Variants in IGLON5 observed in about 807,000 individuals in gnomAD.
IGLON5 encodes the protein IgLON family member 5.
IGLON5 carries 16 observed loss-of-function variants against 38.2 expected under a neutral mutation model. The ratio of observed to expected loss-of-function variants is 0.42; its 90% CI spans 0.28 to 0.64. The LOEUF (loss-of-function observed/expected upper bound fraction) is 0.64. IGLON5 is among the 30% of genes least tolerant of loss of function. The pLI, the probability that IGLON5 is intolerant of heterozygous loss-of-function variation, is 0.23. For synonymous variants in IGLON5, 207 were observed against 216.4 expected, an observed-to-expected ratio of 0.96 and a Z score of 0.38; for missense variants, 366 against 483.4, an observed-to-expected ratio of 0.76 and a Z score of 2.28.
chr19:51,329,124 G>A lies in IGLON5; in HGVS notation c.*365G>A. Reference sequence around the variant, plus strand: ...TGTGTAGGTGTCTGTGTCTCTGTTTGTGTGTGTGTGGGGGGGTGGGCTGGG... The same window carrying A: ...TGTGTAGGTGTCTGTGTCTCTGTTTATGTGTGTGTGGGGGGGTGGGCTGGG... On this transcript the variant is annotated 3_prime_UTR_variant, in exon 8 of 8. Transcript: ENST00000270642. This position sits in a 1 kb window ranked among gnomAD's most constrained non-coding sequence, Gnocchi z 4.3. The A allele has an allele frequency of 6.8e-6, 1 of 146,332 alleles. No individual in the cohort carries two copies. 9.1% of individuals were successfully genotyped at this position (146,332 alleles called of 1,614,324 possible).
intron 1 of IGLON5, among the ~76,000 whole-genome samples, chr19:51,320,212 T>C (rs1985019388): frequency 6.6e-6 from 1 of 152,086 alleles, no homozygotes; most frequent in Non-Finnish European, 1.5e-5. Flanking sequence ...GGGCCCAGGG[T>C]GAGGGGCTGC....
At chr19:51,318,290 GGGACACAGACTT>G (rs1366345989) in intron 1 of IGLON5, among the ~76,000 whole-genome samples, 3 of 152,274 alleles carry the variant, frequency 2.0e-5, no homozygotes, top group Non-Finnish European at 4.4e-5. Context: ...GGAGATGCTG[GGGACACAGACTT>G]GAGTCAGAAC....
At chr19:51,315,688 C>CTTTTT (rs756194855) in intron 1 of IGLON5, among the ~76,000 whole-genome samples, 32 of 82,586 alleles carry the variant, frequency 3.9e-4, no homozygotes, top group African/African-American at 1.3e-3. Context: ...GGAAGTCAAC[C>CTTTTT]TTTTTTTTTT....
At position 51,323,767 on chromosome 19, in the gene IGLON5, C is replaced by G; in HGVS notation, c.264C>G (p.Leu88=). The G allele has an allele frequency of 6.2e-7, 1 of 1,613,926 alleles. No homozygotes were observed. The highest frequency in any genetic ancestry group is 8.5e-7 in the Non-Finnish European group (1 of 1,179,890). Residue 88 remains leucine (L), a synonymous_variant, in exon 3 of 8, where the codon CTC becomes CTG. Coordinates refer to ENST00000270642, the MANE Select transcript of IGLON5 (RefSeq NM_001101372.3). ...RWTSDPRVRL[L]INTPEEFSIL... ...CCAGCGACCCGCGGGTGCGGCTGCT[C>G]ATCAACACCCCCGAGGAGTTCTCCA...
intron 1 of IGLON5, among the ~76,000 whole-genome samples, chr19:51,315,436 T>C (rs1984894108): frequency 6.6e-6 from 1 of 152,180 alleles, no homozygotes; most frequent in African/African-American, 2.4e-5. Flanking sequence ...TTCTAGACAC[T>C]GGATATATAC....
intron 2 of IGLON5, 28 bp from the exon 3 acceptor site, chr19:51,323,634 A>G: frequency 6.3e-7 from 1 of 1,578,796 alleles, no homozygotes; most frequent in Non-Finnish European, 8.7e-7. Context: ...TGGGTGGAGA[A>G]AAACCTTCCC....
intron 1 of IGLON5, among the ~76,000 whole-genome samples, chr19:51,315,895 T>C (rs1263073905): frequency 6.6e-6 from 1 of 151,826 alleles, no homozygotes; most frequent in South Asian, 2.1e-4. Context: ...TGGGTTTCAC[T>C]GTGTTAGCCA....
In IGLON5 at chr19:51,325,913, T is replaced by C. The variant is rs1248433059; in HGVS notation, c.511+448T>C. On this transcript the variant is annotated intron_variant, in intron 4 of 7. Transcript: ENST00000270642. The surrounding 1 kb of genome is among the most constrained non-coding windows in gnomAD (Gnocchi z 5.5). ...GGGCCCCAGACCCGAAGCATCAGCATACCTTGGGAACTTGCCAGGAATGCA... is the reference window on the plus strand; with the variant it reads ...GGGCCCCAGACCCGAAGCATCAGCACACCTTGGGAACTTGCCAGGAATGCA... Among the ~76,000 whole-genome samples, 1 of 152,096 alleles carries C rather than the reference T, an allele frequency of 6.6e-6. No homozygotes were observed. The highest frequency in any genetic ancestry group is 2.4e-5 in the African/African-American group (1 of 41,410).
In IGLON5 at chr19:51,327,238, G is replaced by A. The variant is rs778123432; in HGVS notation, c.767+38G>A. 9 of 1,591,852 alleles carry A rather than the reference G, an allele frequency of 5.7e-6. No homozygotes were observed. The highest frequency in any genetic ancestry group is 1.7e-5 in the Admixed American group (1 of 59,110). ...CTGAGGGGGCCGTGGGAGCGGGAAG[G>A]GGAGGTCTTTAGTCCCTTCGATTGT... On this transcript the variant is annotated intron_variant, in intron 6 of 7. Transcript: ENST00000270642. This position sits in a 1 kb window ranked among gnomAD's most constrained non-coding sequence, Gnocchi z 7.1.
At chr19:51,313,265 T>G (rs146598583) in intron 1 of IGLON5, among the ~76,000 whole-genome samples, 325 of 152,328 alleles carry the variant, frequency 2.1e-3, no homozygotes, top group Non-Finnish European at 3.4e-3. Flanking sequence ...ACCACCTGTC[T>G]CTGTCTCTGT....
chr19:51,327,042 G>C lies in IGLON5; in HGVS notation c.647-38G>C. On this transcript the variant is annotated intron_variant, in intron 5 of 7. Transcript: ENST00000270642. This position sits in a 1 kb window ranked among gnomAD's most constrained non-coding sequence, Gnocchi z 7.1. ...GGGGGCGGGACCCCTTCGTCCCCAC[G>C]CGGCTAGGAGAATTCGCTGACCCTT... The C allele has an allele frequency of 6.3e-7, 1 of 1,598,402 alleles. No individual in the cohort carries two copies. The highest frequency in any genetic ancestry group is 8.5e-7 in the Non-Finnish European group (1 of 1,172,580).
At chr19:51,328,025 A>G in intron 7 of IGLON5, 139 bp downstream of exon 7, 1 of 912,378 alleles carries the variant, frequency 1.1e-6, no homozygotes, top group Non-Finnish European at 1.6e-6. Flanking sequence ...CAATGCGAGT[A>G]AGAAACCGAT....
chr19:51,312,914 G>C (rs1984802765), intron 1 of IGLON5, among the ~76,000 whole-genome samples: 1 of 151,626 alleles, frequency 6.6e-6, no homozygotes, highest in Admixed American at 6.5e-5. Flanking sequence ...GTGCAAGGAG[G>C]CAGGAGGCTG....
intron 4 of IGLON5, among the ~76,000 whole-genome samples, chr19:51,326,334 AC>A (rs1196800367): frequency 6.6e-6 from 1 of 152,130 alleles, no homozygotes; most frequent in African/African-American, 2.4e-5. Context: ...GATCCCAATC[AC>A]CAGATCCTGA....
chr19:51,326,731 G>A (rs1291987933), intron 4 of IGLON5, 33 bp from the exon 5 acceptor site: 1 of 1,513,666 alleles, frequency 6.6e-7, no homozygotes, highest in South Asian at 1.2e-5. Flanking sequence ...GTTTGTGTCC[G>A]GCCCCGCCCC....
At position 51,327,909 on chromosome 19, in the gene IGLON5, G is replaced by T; in HGVS notation, c.922+23G>T. On this transcript the variant is annotated intron_variant, in intron 7 of 7. Coordinates refer to ENST00000270642, the MANE Select transcript of IGLON5 (RefSeq NM_001101372.3). The surrounding 1 kb of genome is among the most constrained non-coding windows in gnomAD (Gnocchi z 7.1). ...TGCGTGCGTCTTCGGGCGGGGCGGG[G>T]CCGGGAAGGTGGGCGGGGCCGGGGG... 1 of 1,476,518 alleles carries T rather than the reference G, an allele frequency of 6.8e-7. No homozygotes were observed. Among genetic ancestry groups the T allele is most frequent in the Non-Finnish European group, 9.0e-7 (1 of 1,111,728 alleles). The allele number at this position is 1,476,518 out of a possible 1,614,324, so 91.5% of individuals were successfully genotyped here.
rs1255908005 is a variant in IGLON5, at chr19:51,313,639, CTCTCTCTTT to C, written c.79+1715_79+1723del. Among the ~76,000 whole-genome samples the C allele has an allele frequency of 9.8e-5, 12 of 121,972 alleles. 1 individual carries two copies. Among genetic ancestry groups the C allele is most frequent in the African/African-American group, 4.5e-4 (10 of 22,156 alleles). 80.0% of individuals were successfully genotyped at this position (121,972 alleles called of 152,430 possible). A position where few individuals can be genotyped will look rare whatever the true frequency, so the allele number is the denominator to read the frequency against. On this transcript the variant is annotated intron_variant, in intron 1 of 7. Coordinates refer to ENST00000270642, the MANE Select transcript of IGLON5 (RefSeq NM_001101372.3). ...TTTCCTTCTTTCTCTTTTTCTCTCT[CTCTCTCTTT>C]TTCTTTCTTTCTTTCTTTCTTTCTT...
rs1985308839 is a variant in IGLON5, at chr19:51,329,823, C to G, written c.*1064C>G. 7.4e-6 allele frequency: 1 copy of G among 134,368 alleles called. No individual in the cohort carries two copies. The highest frequency in any genetic ancestry group is 2.0e-4 in the East Asian group (1 of 5,126). The allele number at this position is 134,368 out of a possible 1,614,324, so 8.3% of individuals were successfully genotyped here. A position where few individuals can be genotyped will look rare whatever the true frequency, so the allele number is the denominator to read the frequency against. On this transcript the variant is annotated 3_prime_UTR_variant, in exon 8 of 8. Coordinates refer to ENST00000270642, the MANE Select transcript of IGLON5 (RefSeq NM_001101372.3). The surrounding 1 kb of genome is among the most constrained non-coding windows in gnomAD (Gnocchi z 4.3). ...GACGCACCACACACACATACACACA[C>G]ACAGACACACACACACACACACACA...
At chr19:51,323,236 G>A (rs1249587087) in intron 2 of IGLON5, among the ~76,000 whole-genome samples, 1 of 128,214 alleles carries the variant, frequency 7.8e-6, no homozygotes, top group East Asian at 2.1e-4. Context: ...CTGTCTCTGG[G>A]TCTCTGTGTC....
Sources: allele counts gnomAD v4.1 joint callset (sites outside exome capture counted in the v4.1 genomes callset), GRCh38; gene constraint gnomAD v4.1.1; non-coding constraint Gnocchi (gnomAD v3.1); transcripts MANE v1.5; gene names NCBI Gene and HGNC (gene_info 2026-07-23, HGNC 2026-07-21).